NTRK3: variants seen among roughly 807,000 people sequenced by gnomAD.
NTRK3 encodes neurotrophic receptor tyrosine kinase 3, also known as NT-3 growth factor receptor.
A neutral mutation model predicts 91.7 loss-of-function variants in NTRK3; 24 were observed. The observed-to-expected ratio is 0.26, with a 90% confidence interval of 0.19 to 0.37. The LOEUF (loss-of-function observed/expected upper bound fraction) is 0.37, where lower values mean the gene tolerates loss of function less well. Ranked by LOEUF, NTRK3 falls within the 10% of genes least tolerant of loss-of-function variation. The pLI, the probability that NTRK3 is intolerant of heterozygous loss-of-function variation, is 1.00. For synonymous variants in NTRK3, 483 were observed against 404.0 expected (o/e 1.20, Z -2.34); for missense variants, 880 against 1,068.9 (o/e 0.82, Z 2.46).
At chr15:87,896,210 C>T (rs149428098) in intron 17 of NTRK3, among the ~76,000 whole-genome samples, 1,725 of 152,220 alleles carry the variant, frequency 0.011, 37 homozygotes, top group African/African-American at 0.039. Context: ...CAGTGGCTCA[C>T]GCCTGTAATC....
At chr15:88,253,976 C>G (rs1440303495) in intron 3 of NTRK3, among the ~76,000 whole-genome samples, 2 of 152,202 alleles carry the variant, frequency 1.3e-5, no homozygotes, top group Admixed American at 1.3e-4. Flanking sequence ...CTATAAAGAG[C>G]CTACGTGATT....
intron 14 of NTRK3, among the ~76,000 whole-genome samples, chr15:88,019,785 A>T (rs1001328242): frequency 1.3e-5 from 2 of 152,194 alleles, no homozygotes; most frequent in Non-Finnish European, 2.9e-5. Context: ...CTAGAGTCCT[A>T]ATACACTTCA....
intron 13 of NTRK3, among the ~76,000 whole-genome samples, chr15:88,065,320 G>A (rs900524541): frequency 3.3e-5 from 5 of 152,132 alleles, no homozygotes; most frequent in Non-Finnish European, 5.9e-5. Context: ...AGCAGAAAAC[G>A]TTCTTCTTAG....
chr15:88,206,340 T>C (rs2048763127), intron 3 of NTRK3, among the ~76,000 whole-genome samples: 1 of 104,394 alleles, frequency 9.6e-6, no homozygotes, highest in African/African-American at 3.9e-5. Flanking sequence ...CGAGACTCCA[T>C]CTCAAAAAAA....
At chr15:87,959,061 C>T (rs1048118314) in intron 14 of NTRK3, among the ~76,000 whole-genome samples, 3 of 150,160 alleles carry the variant, frequency 2.0e-5, no homozygotes, top group Admixed American at 6.7e-5. Flanking sequence ...ACATTCCAAG[C>T]TCAGGGCCAC....
chr15:88,229,658 T>A (rs1232054519), intron 3 of NTRK3, among the ~76,000 whole-genome samples: 1 of 152,184 alleles, frequency 6.6e-6, no homozygotes, highest in Non-Finnish European at 1.5e-5. Context: ...GGTACCAGCA[T>A]CCCTGAGGTC....
intron 5 of NTRK3, 149 bp from the exon 6 acceptor site, chr15:88,147,552 T>C: frequency 3.4e-6 from 2 of 591,518 alleles, no homozygotes; most frequent in Non-Finnish European, 6.0e-6. Flanking sequence ...CTTCTTCTTC[T>C]TCATGCTGTT....
intron 13 of NTRK3, among the ~76,000 whole-genome samples, chr15:88,112,715 G>A (rs981159244): frequency 6.6e-6 from 1 of 152,200 alleles, no homozygotes; most frequent in Non-Finnish European, 1.5e-5. Flanking sequence ...TCCCAGTGAT[G>A]GGAGACTCTG....
chr15:88,095,522 C>T (rs2049495884), intron 13 of NTRK3, among the ~76,000 whole-genome samples: 1 of 152,176 alleles, frequency 6.6e-6, no homozygotes, highest in South Asian at 2.1e-4. Flanking sequence ...GTTTGTATAA[C>T]TCTCAGTCCA....
intron 3 of NTRK3, among the ~76,000 whole-genome samples, chr15:88,244,618 C>T (rs2052656678): frequency 6.6e-6 from 1 of 152,136 alleles, no homozygotes; most frequent in African/African-American, 2.4e-5. Context: ...CACATCAGGA[C>T]AGGCTCAACA....
intron 17 of NTRK3, among the ~76,000 whole-genome samples, chr15:87,887,137 T>C (rs1344835822): frequency 1.3e-5 from 2 of 152,110 alleles, no homozygotes; most frequent in African/African-American, 2.4e-5. Flanking sequence ...TCAAGTGTCC[T>C]GGGTGTAAAC....
At chr15:87,996,315 G>T (rs2075698572) in intron 14 of NTRK3, among the ~76,000 whole-genome samples, 1 of 152,116 alleles carries the variant, frequency 6.6e-6, no homozygotes, top group African/African-American at 2.4e-5. Context: ...AGGCTGGATT[G>T]GGCTTGCAGG....
At chr15:88,085,532 G>A (rs1300385912) in intron 13 of NTRK3, among the ~76,000 whole-genome samples, 1 of 152,270 alleles carries the variant, frequency 6.6e-6, no homozygotes, top group East Asian at 1.9e-4. Flanking sequence ...ACTGCCTGGA[G>A]CCAAACTCAG....
chr15:88,156,851 G>A (rs905511762), intron 5 of NTRK3, among the ~76,000 whole-genome samples: 1 of 152,078 alleles, frequency 6.6e-6, no homozygotes, highest in Non-Finnish European at 1.5e-5. Context: ...CCCAGTAAGT[G>A]CTCAAAGAAC....
At chr15:87,982,158 G>C (rs1473138343) in intron 14 of NTRK3, among the ~76,000 whole-genome samples, 3 of 152,200 alleles carry the variant, frequency 2.0e-5, no homozygotes, top group African/African-American at 7.2e-5. Context: ...TATGAGCCGG[G>C]ATCTGAAGTT....
chr15:88,000,053 G>T (rs1188692107), intron 14 of NTRK3, among the ~76,000 whole-genome samples: 1 of 152,182 alleles, frequency 6.6e-6, no homozygotes, highest in African/African-American at 2.4e-5. Context: ...AGACTTCTTA[G>T]TGCTATGATG....
chr15:87,879,051 T>C, intron 18 of NTRK3, among the ~76,000 whole-genome samples: 1 of 152,138 alleles, frequency 6.6e-6, no homozygotes, highest in East Asian at 1.9e-4. Context: ...TAAAAGATTG[T>C]TAAAATATTT....
intron 17 of NTRK3, among the ~76,000 whole-genome samples, chr15:87,906,355 G>A (rs1204510104): frequency 6.6e-6 from 1 of 152,190 alleles, no homozygotes; most frequent in Non-Finnish European, 1.5e-5. Context: ...ATGGGAGAAG[G>A]AAGGGCCTTA....
intron 14 of NTRK3, among the ~76,000 whole-genome samples, chr15:87,995,647 T>A (rs1470497011): frequency 6.6e-6 from 1 of 151,950 alleles, no homozygotes; most frequent in Non-Finnish European, 1.5e-5. Flanking sequence ...GAGAAAAGAT[T>A]AAAAGGAATG....
Sources: gnomAD v4.1 joint callset for allele counts (sites outside exome capture counted in the v4.1 genomes callset) on GRCh38, gnomAD v4.1.1 for gene constraint, MANE v1.5 for transcripts, NCBI Gene and HGNC (gene_info 2026-07-23, HGNC 2026-07-21) for gene names.